CCDC13: variants seen among roughly 807,000 people sequenced by gnomAD.
The protein encoded by CCDC13 is coiled-coil domain-containing protein 13.
Under a neutral mutation model 87.3 loss-of-function variants are expected in CCDC13, and 70 were observed. The ratio of observed to expected loss-of-function variants is 0.80; its 90% confidence interval spans 0.66 to 0.98. The LOEUF (loss-of-function observed/expected upper bound fraction) is 0.98, where lower values mean the gene tolerates loss of function less well. Ranked by LOEUF, CCDC13 falls within the 50% of genes least tolerant of loss-of-function variation. The pLI is 0.00. For missense variants in CCDC13, 842 were observed against 892.0 expected (o/e 0.94, Z 0.71); for synonymous variants, 317 against 360.3 (o/e 0.88, Z 1.36).
rs903146516 is a variant in CCDC13 at position 42,733,624 on chromosome 3, G to A, written c.1372-15C>T. On this transcript the variant is annotated splice_polypyrimidine_tract_variant and intron_variant, in intron 10 of 15. Coordinates refer to ENST00000310232, the MANE Select transcript of CCDC13 (RefSeq NM_144719.4). Reference sequence around the variant, plus strand: ...TTCCGAAGATACTGTAGGAACAGATGTGGGTTCCATCCTCAGGGCTTTGGC... The same window carrying A: ...TTCCGAAGATACTGTAGGAACAGATATGGGTTCCATCCTCAGGGCTTTGGC... The A allele has an allele frequency of 6.3e-7, 1 of 1,587,154 alleles. No individual in the cohort carries two copies. Among genetic ancestry groups the A allele is most frequent in the Non-Finnish European group, 8.6e-7 (1 of 1,165,774 alleles).
intron 13 of CCDC13, among the ~76,000 whole-genome samples, chr3:42,725,628 G>A (rs193212015): frequency 5.6e-4 from 85 of 152,154 alleles, no homozygotes; most frequent in African/African-American, 2.0e-3. Flanking sequence ...TGGGAAATGG[G>A]GAGGAGGGGA....
intron 13 of CCDC13, among the ~76,000 whole-genome samples, chr3:42,726,003 G>T (rs572530165): frequency 6.6e-6 from 1 of 152,168 alleles, no homozygotes; most frequent in Non-Finnish European, 1.5e-5. Flanking sequence ...TGTAATGAAA[G>T]AACAAATGCT....
intron 12 of CCDC13, among the ~76,000 whole-genome samples, chr3:42,731,444 C>G (rs2125882235): frequency 6.6e-6 from 1 of 152,086 alleles, no homozygotes; most frequent in South Asian, 2.1e-4. Flanking sequence ...TCTGTGACTC[C>G]TAAATATGCT....
At chr3:42,732,127 G>T (rs1698851277) in intron 12 of CCDC13, among the ~76,000 whole-genome samples, 1 of 152,220 alleles carries the variant, frequency 6.6e-6, no homozygotes, top group African/African-American at 2.4e-5. Flanking sequence ...TTGTGGCTCA[G>T]TGTCAGCCCA....
intron 1 of CCDC13, among the ~76,000 whole-genome samples, chr3:42,761,840 C>G (rs1482790114): frequency 6.6e-6 from 1 of 152,170 alleles, no homozygotes; most frequent in African/African-American, 2.4e-5. Flanking sequence ...TCCTTCTCCC[C>G]CCAAGGCTTA....
At chr3:42,734,000 T>G (rs568827140) in intron 10 of CCDC13, among the ~76,000 whole-genome samples, 68 of 152,282 alleles carry the variant, frequency 4.5e-4, no homozygotes, top group Non-Finnish European at 8.4e-4. Context: ...CTTCCTCAGC[T>G]GGAACACCTG....
intron 10 of CCDC13, among the ~76,000 whole-genome samples, chr3:42,734,362 G>A (rs1022884014): frequency 1.3e-5 from 2 of 152,234 alleles, no homozygotes; most frequent in Non-Finnish European, 2.9e-5. Context: ...CCTGGAGAAA[G>A]GACAGTGGTG....
intron 9 of CCDC13, among the ~76,000 whole-genome samples, chr3:42,738,626 C>A (rs1174169896): frequency 6.6e-6 from 1 of 152,208 alleles, no homozygotes; most frequent in Non-Finnish European, 1.5e-5. Context: ...AGGTTCTTCA[C>A]ATCCCTTTTA....
At chr3:42,753,832 T>C (rs1699643799) in intron 3 of CCDC13, among the ~76,000 whole-genome samples, 1 of 152,156 alleles carries the variant, frequency 6.6e-6, no homozygotes, top group African/African-American at 2.4e-5. Flanking sequence ...CTGAGGACCA[T>C]CAAGGACTCC....
intron 13 of CCDC13, among the ~76,000 whole-genome samples, chr3:42,722,653 C>T (rs1253390132): frequency 6.6e-6 from 1 of 152,130 alleles, no homozygotes; most frequent in Non-Finnish European, 1.5e-5. Flanking sequence ...AGGAAGTTAC[C>T]CTATATGGCC....
Position 42,709,860 on chromosome 3 carries a change from TCTC to T in CCDC13, c.1874-65_1874-63del, listed in dbSNP as rs201368690. 4.4e-3 allele frequency: 5,613 copies of T among 1,273,358 alleles called. 146 individuals are homozygous for T. The African/African-American group carries it at 0.057, about 13-fold the overall frequency. The allele number at this position is 1,273,358 out of a possible 1,614,324, so 78.9% of individuals were successfully genotyped here. ...CACAGCCCTGTGCTAGCACCCTGCT[TCTC>T]CTCCCGCCATTGCCCACTGCCTGCT... On this transcript the variant is annotated intron_variant, in intron 14 of 15. Coordinates refer to ENST00000310232, the MANE Select transcript of CCDC13 (RefSeq NM_144719.4).
At chr3:42,745,360 C>T (rs1213051692) in intron 7 of CCDC13, 1 of 153,056 alleles carries the variant, frequency 6.5e-6, no homozygotes, top group Admixed American at 6.5e-5. Flanking sequence ...CCCCATTATA[C>T]AGATGAGGAA....
intron 1 of CCDC13, among the ~76,000 whole-genome samples, chr3:42,767,218 C>T (rs1031289328): frequency 6.6e-6 from 1 of 151,292 alleles, no homozygotes; most frequent in Non-Finnish European, 1.5e-5. Context: ...GTGATTGCAG[C>T]AAGGTTGCAA....
chr3:42,762,518 T>C (rs1158435878), intron 1 of CCDC13, among the ~76,000 whole-genome samples: 1 of 152,154 alleles, frequency 6.6e-6, no homozygotes, highest in Non-Finnish European at 1.5e-5. Flanking sequence ...TGTACCTACG[T>C]AACCATCTCC....
chr3:42,731,609 T>C (rs1393655324), intron 12 of CCDC13, among the ~76,000 whole-genome samples: 2 of 152,258 alleles, frequency 1.3e-5, no homozygotes, highest in East Asian at 3.9e-4. Flanking sequence ...GTGTGTGCAC[T>C]GCAGTTTGGA....
intron 13 of CCDC13, among the ~76,000 whole-genome samples, chr3:42,717,344 T>C (rs1698455129): frequency 6.7e-6 from 1 of 150,302 alleles, no homozygotes; most frequent in Non-Finnish European, 1.5e-5. Context: ...AAGAATTGCT[T>C]GAATCCGGGA....
At chr3:42,742,167 A>G (rs1026969217) in intron 8 of CCDC13, among the ~76,000 whole-genome samples, 1 of 152,122 alleles carries the variant, frequency 6.6e-6, no homozygotes, top group Admixed American at 6.5e-5. Context: ...ACCAATCAAA[A>G]CACCCTGTAC....
In CCDC13 at chr3:42,713,195, C is replaced by T; in HGVS notation, c.1840G>A (p.Ala614Thr). 1 of 1,614,184 alleles carries T rather than the reference C, an allele frequency of 6.2e-7. No homozygotes were observed. The highest frequency in any genetic ancestry group is 8.5e-7 in the Non-Finnish European group (1 of 1,180,004). The stretch of plus-strand genomic sequence containing the variant: ...GTCCTGGGAGCTGCTCTCTGGGAGG[C>T]TGATGCCTTCCCTGGCTCCAGGCGT... Reference protein sequence around the residue: ...KIRLEPGKASASQRAAPRTKT... With the variant: ...KIRLEPGKASTSQRAAPRTKT... Residue 614 changes from alanine (A) to threonine (T), a missense_variant, in exon 14 of 16, where the codon GCC (alanine) becomes ACC (threonine). By Grantham distance (58) the Ala-to-Thr change is moderately conservative. Coordinates refer to ENST00000310232, the MANE Select transcript of CCDC13 (RefSeq NM_144719.4).
At chr3:42,771,249 A>T (rs893973872) in intron 1 of CCDC13, among the ~76,000 whole-genome samples, 1 of 152,358 alleles carries the variant, frequency 6.6e-6, no homozygotes, top group South Asian at 2.1e-4. Context: ...TAATATTCTG[A>T]AAAAGGCAAA....
Sources: gnomAD v4.1 joint callset for allele counts (sites outside exome capture counted in the v4.1 genomes callset) on GRCh38, gnomAD v4.1.1 for gene constraint, MANE v1.5 for transcripts, NCBI Gene and HGNC (gene_info 2026-07-23, HGNC 2026-07-21) for gene names.